MROH9: variants seen among roughly 807,000 people sequenced by gnomAD.
The protein encoded by MROH9 is maestro heat like repeat family member 9, also known as maestro heat-like repeat-containing protein family member 9.
In MROH9, 92 loss-of-function variants were observed where a neutral mutation model predicts 98.2. The observed-to-expected ratio is 0.94, with a 90% CI of 0.79 to 1.11. The LOEUF (loss-of-function observed/expected upper bound fraction) is 1.11, where lower values mean the gene tolerates loss of function less well. MROH9 is among the 50% of genes most tolerant of loss of function. The pLI, the probability that MROH9 is intolerant of heterozygous loss-of-function variation, is 0.00. For synonymous variants in MROH9, 397 were observed against 368.9 expected, an observed-to-expected ratio of 1.08 and a Z score of -0.87; for missense variants, 1,057 against 1,014.8, an observed-to-expected ratio of 1.04 and a Z score of -0.57.
At chr1:170,946,850 T>C (rs1649349016) in intron 2 of MROH9, among the ~76,000 whole-genome samples, 2 of 152,068 alleles carry the variant, frequency 1.3e-5, no homozygotes, top group Non-Finnish European at 2.9e-5. Context: ...CCATTTCTAA[T>C]TAAATTATTT....
chr1:171,014,261 G>A lies in MROH9; in HGVS notation c.1734+7G>A. On this transcript the variant is annotated splice_region_variant and intron_variant, in intron 16 of 21. Coordinates refer to ENST00000367759, the MANE Select transcript of MROH9 (RefSeq NM_001163629.2). ...GTCACCAATTATCAATAAGGTATGT[G>A]TATGTGATTTGTGTCTGCAAGCATC... 1 of 1,545,490 alleles carries A rather than the reference G, an allele frequency of 6.5e-7. No individual in the cohort carries two copies. Among genetic ancestry groups the A allele is most frequent in the Non-Finnish European group, 8.7e-7 (1 of 1,143,548 alleles).
intron 8 of MROH9, among the ~76,000 whole-genome samples, chr1:170,973,746 G>A (rs536778948): frequency 3.8e-4 from 58 of 152,202 alleles, no homozygotes; most frequent in Middle Eastern, 3.4e-3. Context: ...ATGGTGGTGC[G>A]TGCCTGTAAT....
chr1:171,031,784 A>G (rs1467556472), intron 20 of MROH9, among the ~76,000 whole-genome samples: 1 of 152,076 alleles, frequency 6.6e-6, no homozygotes, highest in African/African-American at 2.4e-5. Flanking sequence ...GGAGTATCTT[A>G]GTGGTGTTCT....
chr1:171,003,069 G>A (rs1179675789), intron 15 of MROH9, among the ~76,000 whole-genome samples: 1 of 151,808 alleles, frequency 6.6e-6, no homozygotes, highest in Non-Finnish European at 1.5e-5. Context: ...TTTTGCATTT[G>A]TCTCCAAAAT....
intron 1 of MROH9, among the ~76,000 whole-genome samples, chr1:170,936,458 C>T (rs1648884617): frequency 6.6e-6 from 1 of 152,174 alleles, no homozygotes; most frequent in South Asian, 2.1e-4. Context: ...AAGATGTTGA[C>T]CCACATTAGG....
intron 20 of MROH9, among the ~76,000 whole-genome samples, chr1:171,026,210 C>T (rs113955151): frequency 3.3e-5 from 5 of 151,494 alleles, no homozygotes; most frequent in African/African-American, 7.3e-5. Flanking sequence ...CAGGCACGTG[C>T]GCGCACACAC....
chr1:170,972,829 T>TACACACACAC lies in MROH9; in HGVS notation c.616+968_616+977dup, dbSNP rs3980699. Among the ~76,000 whole-genome samples the TACACACACAC allele has an allele frequency of 3.4e-3, 435 of 128,670 alleles. 8 individuals are homozygous for TACACACACAC. Among genetic ancestry groups the TACACACACAC allele is most frequent in the East Asian group, 0.027 (114 of 4,214 alleles). The allele number at this position is 128,670 out of a possible 152,430, so 84.4% of individuals were successfully genotyped here. On this transcript the variant is annotated intron_variant, in intron 8 of 21. Coordinates refer to ENST00000367759, the MANE Select transcript of MROH9 (RefSeq NM_001163629.2). ...TCCGCCTCAAAAAAAAAAAAAAAAATACACACACACACACACACACACACA... is the reference window on the plus strand; with the variant it reads ...TCCGCCTCAAAAAAAAAAAAAAAAATACACACACACACACACACACACACACACACACACA...
chr1:171,046,492 A>C (rs1237769668), intron 20 of MROH9, among the ~76,000 whole-genome samples: 1 of 152,162 alleles, frequency 6.6e-6, no homozygotes, highest in Non-Finnish European at 1.5e-5. Flanking sequence ...CGGGACTTGC[A>C]AATACAGTCT....
At chr1:171,017,449 C>T (rs1240666652) in intron 17 of MROH9, among the ~76,000 whole-genome samples, 1 of 152,210 alleles carries the variant, frequency 6.6e-6, no homozygotes, top group African/African-American at 2.4e-5. Context: ...GAGCCCATGC[C>T]ATAAGGACCT....
chr1:171,057,371 T>C (rs1343075270), intron 20 of MROH9, among the ~76,000 whole-genome samples: 2 of 152,140 alleles, frequency 1.3e-5, no homozygotes, highest in African/African-American at 2.4e-5. Flanking sequence ...ATATCAGAGT[T>C]TGAAGACCAC....
intron 21 of MROH9, among the ~76,000 whole-genome samples, chr1:171,063,147 C>A (rs1157973306): frequency 6.6e-6 from 1 of 152,010 alleles, no homozygotes; most frequent in African/African-American, 2.4e-5. Flanking sequence ...TTCTAAATCT[C>A]CCCCTTTGTT....
At chr1:171,060,168 G>C (rs549814323) in intron 20 of MROH9, among the ~76,000 whole-genome samples, 1 of 151,822 alleles carries the variant, frequency 6.6e-6, no homozygotes, top group African/African-American at 2.4e-5. Flanking sequence ...AAAAATAAAA[G>C]TTTAAAAAAT....
rs200674522 is a variant in MROH9 at position 170,961,258 on chromosome 1, T to C, written c.289-632T>C. On this transcript the variant is annotated intron_variant, in intron 5 of 21. Coordinates refer to ENST00000367759, the MANE Select transcript of MROH9 (RefSeq NM_001163629.2). ...TACAAGAGTATCCCAAAACAAACAC[T>C]AAAAAGATAATCTATAAACAGCTAA... Among the ~76,000 whole-genome samples, 78 of 152,266 alleles carry C rather than the reference T, an allele frequency of 5.1e-4. No homozygotes were observed. In the East Asian group the frequency reaches 9.8e-3, roughly 19 times the overall value.
intron 20 of MROH9, among the ~76,000 whole-genome samples, chr1:171,057,311 A>G (rs999234216): frequency 6.6e-6 from 1 of 152,224 alleles, no homozygotes; most frequent in Non-Finnish European, 1.5e-5. Context: ...CAAGAACTTC[A>G]TGAGGCATAC....
chr1:170,982,848 T>C (rs978816966), intron 8 of MROH9, among the ~76,000 whole-genome samples: 1 of 152,200 alleles, frequency 6.6e-6, no homozygotes, highest in African/African-American at 2.4e-5. Flanking sequence ...TGAACCCTGT[T>C]TGTACCACTG....
intron 19 of MROH9, 109 bp downstream of exon 19, chr1:171,024,874 A>T (rs539088763): frequency 1.6e-6 from 1 of 644,632 alleles, no homozygotes; most frequent in African/African-American, 1.8e-5. Flanking sequence ...TGGAGGAAAA[A>T]AATGGAAGAA....
chr1:170,958,654 T>C (rs1649887764), intron 4 of MROH9, 114 bp downstream of exon 4: 3 of 695,412 alleles, frequency 4.3e-6, no homozygotes, highest in Non-Finnish European at 7.2e-6. Flanking sequence ...TTCACCATCA[T>C]AATTTGGTGA....
At chr1:170,999,892 G>T (rs1046770079) in intron 15 of MROH9, among the ~76,000 whole-genome samples, 4 of 152,020 alleles carry the variant, frequency 2.6e-5, no homozygotes, top group African/African-American at 9.7e-5. Flanking sequence ...GAGTAAGGTG[G>T]TATTGCATTG....
chr1:171,058,510 A>G (rs1173444973), intron 20 of MROH9, among the ~76,000 whole-genome samples: 1 of 152,176 alleles, frequency 6.6e-6, no homozygotes, highest in African/African-American at 2.4e-5. Flanking sequence ...GTTTCATTTC[A>G]TATATGATCA....
Sources: gnomAD v4.1 joint callset for allele counts (sites outside exome capture counted in the v4.1 genomes callset) on GRCh38, gnomAD v4.1.1 for gene constraint, MANE v1.5 for transcripts, NCBI Gene and HGNC (gene_info 2026-07-23, HGNC 2026-07-21) for gene names.